SULT2B1: variants seen among roughly 807,000 people sequenced by gnomAD.
SULT2B1 encodes the protein sulfotransferase family 2B member 1.
A neutral mutation model predicts 33.2 loss-of-function variants in SULT2B1; 16 were observed. That is an observed-to-expected ratio of 0.48 (90% confidence interval 0.33 to 0.73). The LOEUF is 0.73. Ranked by LOEUF, SULT2B1 falls within the 30% of genes least tolerant of loss-of-function variation. The pLI is 0.02. For missense variants in SULT2B1, 500 were observed against 506.0 expected, an observed-to-expected ratio of 0.99 and a Z score of 0.11; for synonymous variants, 186 against 200.5, an observed-to-expected ratio of 0.93 and a Z score of 0.61.
In SULT2B1 at chr19:48,592,263, G is replaced by T. The variant is rs1973653109; in HGVS notation, c.551-459G>T. On this transcript the variant is annotated intron_variant, in intron 4 of 6. Transcript: ENST00000201586. ...GCCAAGATCGTGCCACTGCACTCCA[G>T]CCTGGGCGACAGAGTGAGACTCCGT... Among the ~76,000 whole-genome samples, 4 of 152,116 alleles carry T rather than the reference G, an allele frequency of 2.6e-5. No individual in the cohort carries two copies. The South Asian group carries it at 8.3e-4, about 32-fold the overall frequency.
intron 1 of SULT2B1, among the ~76,000 whole-genome samples, chr19:48,556,036 G>T (rs113786573): frequency 6.6e-6 from 1 of 152,120 alleles, no homozygotes; most frequent in Admixed American, 6.6e-5. Context: ...CACCGCGCCC[G>T]GCCTAATTTT....
At chr19:48,593,495 T>C (rs998667281) in intron 5 of SULT2B1, among the ~76,000 whole-genome samples, 1 of 151,702 alleles carries the variant, frequency 6.6e-6, no homozygotes, top group African/African-American at 2.4e-5. Flanking sequence ...GAGGTTGCAG[T>C]GGGCTGAGAT....
intron 2 of SULT2B1, among the ~76,000 whole-genome samples, chr19:48,578,556 T>C (rs1450559631): frequency 6.6e-6 from 1 of 151,818 alleles, no homozygotes; most frequent in Non-Finnish European, 1.5e-5. Context: ...CACTCCAGCT[T>C]GGGTGGCAGA....
rs939909569 is a variant in SULT2B1 at position 48,591,601 on chromosome 19, G to A, written c.424-8G>A. The A allele has an allele frequency of 1.4e-5, 22 of 1,608,638 alleles. No homozygotes were observed. Among genetic ancestry groups the A allele is most frequent in the Admixed American group, 1.2e-4 (7 of 59,674 alleles). ...GCCTTCTCCCCTCTCCTCACCATCC[G>A]CACACAGGTGATCTACATGGGCCGC... On this transcript the variant is annotated splice_region_variant and splice_polypyrimidine_tract_variant and intron_variant, in intron 3 of 6. Coordinates refer to ENST00000201586, the MANE Select transcript of SULT2B1 (RefSeq NM_177973.2).
At chr19:48,583,470 GGATA>G (rs776562114) in intron 2 of SULT2B1, among the ~76,000 whole-genome samples, 2 of 152,156 alleles carry the variant, frequency 1.3e-5, no homozygotes, top group African/African-American at 2.4e-5. Context: ...ATGAATGAAT[GGATA>G]AACAAATTAT....
chr19:48,591,774 G>T lies in SULT2B1; in HGVS notation c.550+39G>T. ...AAAGCGGGGCAGGAGGGGTGGGGAGGAGCCCCAGAGGACCCTGATGGGCAG... is the reference window on the plus strand; with the variant it reads ...AAAGCGGGGCAGGAGGGGTGGGGAGTAGCCCCAGAGGACCCTGATGGGCAG... On this transcript the variant is annotated intron_variant, in intron 4 of 6. Transcript: ENST00000201586. 3 of 1,529,660 alleles carry T rather than the reference G, an allele frequency of 2.0e-6. No homozygotes were observed. In the Admixed American group the frequency reaches 6.3e-5, roughly 32 times the overall value. The allele number at this position is 1,529,660 out of a possible 1,614,324, so 94.8% of individuals were successfully genotyped here. A position where few individuals can be genotyped will look rare whatever the true frequency, so the allele number is the denominator to read the frequency against.
chr19:48,594,817 G>A (rs947750204), intron 5 of SULT2B1, among the ~76,000 whole-genome samples: 7 of 152,262 alleles, frequency 4.6e-5, no homozygotes, highest in Admixed American at 6.5e-5. Flanking sequence ...TCAGGAGTTC[G>A]AGATCAGCCT....
At chr19:48,589,422 G>C (rs1236734727) in intron 3 of SULT2B1, among the ~76,000 whole-genome samples, 1 of 152,180 alleles carries the variant, frequency 6.6e-6, no homozygotes, top group African/African-American at 2.4e-5. Flanking sequence ...CGGGATCTGA[G>C]GGGAGAGACT....
At chr19:48,553,848 C>G (rs1358028107) in intron 1 of SULT2B1, among the ~76,000 whole-genome samples, 1 of 152,242 alleles carries the variant, frequency 6.6e-6, no homozygotes, top group African/African-American at 2.4e-5. Context: ...TCAACATTGT[C>G]TAATCCAGGA....
At chr19:48,554,117 C>T (rs1362589949) in intron 1 of SULT2B1, among the ~76,000 whole-genome samples, 3 of 152,132 alleles carry the variant, frequency 2.0e-5, no homozygotes, top group African/African-American at 7.2e-5. Flanking sequence ...CCCTGCAAGA[C>T]TCCTCCAGCC....
chr19:48,558,052 T>C (rs1311859053), intron 1 of SULT2B1, among the ~76,000 whole-genome samples: 3 of 152,200 alleles, frequency 2.0e-5, no homozygotes, highest in African/African-American at 4.8e-5. Context: ...CCCTGTAACA[T>C]CCTTGCAGTT....
intron 2 of SULT2B1, among the ~76,000 whole-genome samples, chr19:48,577,683 G>A (rs1379325576): frequency 6.6e-6 from 1 of 151,914 alleles, no homozygotes; most frequent in Non-Finnish European, 1.5e-5. Context: ...TGACCAAAGG[G>A]AAATAACAAA....
rs150427963 is a variant in SULT2B1, at chr19:48,565,387, G to GGA, written c.72-10541_72-10540dup. On this transcript the variant is annotated intron_variant, in intron 1 of 6. Coordinates refer to ENST00000201586, the MANE Select transcript of SULT2B1 (RefSeq NM_177973.2). ...GTGTGAGAGAGAGAGACAGAGAGAT[G>GGA]GAGAGAGAGAGAGATGGAATCTCCC... is the stretch of plus-strand genomic sequence containing the variant. Among the ~76,000 whole-genome samples the GGA allele has an allele frequency of 3.2e-3, 485 of 151,224 alleles. 6 individuals carry two copies. The highest frequency in any genetic ancestry group is 0.024 in the Middle Eastern group (7 of 294).
At chr19:48,564,189 T>G (rs1325634529) in intron 1 of SULT2B1, among the ~76,000 whole-genome samples, 1 of 148,386 alleles carries the variant, frequency 6.7e-6, no homozygotes, top group Non-Finnish European at 1.5e-5. Flanking sequence ...GAGGTTGCAG[T>G]GAGCCGAGAT....
intron 1 of SULT2B1, among the ~76,000 whole-genome samples, chr19:48,560,039 G>C (rs528592118): frequency 6.6e-6 from 1 of 152,198 alleles, no homozygotes; most frequent in South Asian, 2.1e-4. Context: ...CGCCCCTATG[G>C]CTCAGGAGCT....
chr19:48,567,390 CGT>C (rs1973259789), intron 1 of SULT2B1, among the ~76,000 whole-genome samples: 1 of 151,806 alleles, frequency 6.6e-6, no homozygotes, highest in South Asian at 2.1e-4. Context: ...GGAGAAATCC[CGT>C]CTCTACTAAA....
intron 2 of SULT2B1, among the ~76,000 whole-genome samples, chr19:48,577,648 G>A (rs1352268482): frequency 6.6e-6 from 1 of 152,032 alleles, no homozygotes; most frequent in South Asian, 2.1e-4. Context: ...ACAGGTGTGA[G>A]CCCGGTCAAT....
chr19:48,576,354 C>CTTTTATT (rs879507532), intron 2 of SULT2B1, among the ~76,000 whole-genome samples: 1 of 79,920 alleles, frequency 1.3e-5, no homozygotes. Context: ...TTACCCTCTA[C>CTTTTATT]TTCTCTTTTT....
intron 1 of SULT2B1, among the ~76,000 whole-genome samples, chr19:48,569,554 T>G (rs112094951): frequency 0.65 from 98,288 of 150,630 alleles, 32,472 homozygotes; most frequent in African/African-American, 0.76. Flanking sequence ...AGAGATTGGG[T>G]TCTCACTCTG....
Sources: allele counts gnomAD v4.1 joint callset (sites outside exome capture counted in the v4.1 genomes callset), GRCh38; gene constraint gnomAD v4.1.1; transcripts MANE v1.5; gene names NCBI Gene and HGNC (gene_info 2026-07-23, HGNC 2026-07-21).